Variants in DNAH5 observed in about 807,000 individuals in gnomAD.
DNAH5 encodes the protein dynein axonemal heavy chain 5, also known as axonemal beta dynein heavy chain 5.
DNAH5 carries 372 observed loss-of-function variants against 518.2 expected under a neutral mutation model. The observed-to-expected ratio is 0.72, with a 90% confidence interval of 0.66 to 0.78. The LOEUF is 0.78. Ranked by LOEUF, DNAH5 falls within the 30% of genes least tolerant of loss-of-function variation. The pLI, the probability that DNAH5 is intolerant of heterozygous loss-of-function variation, is 0.00. For synonymous variants in DNAH5, 2,039 were observed against 2,025.9 expected (o/e 1.01, Z -0.17); for missense variants, 5,523 against 5,687.0 (o/e 0.97, Z 0.93).
chr5:13,996,176 T>C (rs1415429041), intron 1 of DNAH5, among the ~76,000 whole-genome samples: 1 of 152,132 alleles, frequency 6.6e-6, no homozygotes, highest in African/African-American at 2.4e-5. Context: ...GCTCATGCAG[T>C]TCAAAACTAT....
intron 32 of DNAH5, among the ~76,000 whole-genome samples, chr5:13,843,382 C>A (rs1765542628): frequency 6.6e-6 from 1 of 152,134 alleles, no homozygotes; most frequent in Non-Finnish European, 1.5e-5. Context: ...ATGTAATGCA[C>A]CTGGCCTTTG....
chr5:13,819,216 T>C (rs959374631), intron 41 of DNAH5, among the ~76,000 whole-genome samples: 4 of 152,088 alleles, frequency 2.6e-5, no homozygotes, highest in Admixed American at 2.6e-4. Flanking sequence ...TTAAGAAACA[T>C]AAAAATCCCA....
At chr5:13,936,668 G>C (rs535596021) in intron 1 of DNAH5, among the ~76,000 whole-genome samples, 1 of 152,170 alleles carries the variant, frequency 6.6e-6, no homozygotes. Flanking sequence ...AACAGCACTC[G>C]AATTAAAATG....
Position 13,871,677 on chromosome 5 carries a change from T to C in DNAH5, c.3485A>G (p.Gln1162Arg), listed in dbSNP as rs1396777361. ...KEEAIKTFIT[Q>R]SPLLSEFESQ... The stretch of plus-strand genomic sequence containing the variant: ...CTCAAATTCAGAAAGCAAGGGGCTC[T>C]GTGTAATAAATGTCTTAATGGCTTC... The change falls in exon 23 of 79, where the codon CAG (glutamine) becomes CGG (arginine). Residue 1162 changes from glutamine (Q) to arginine (R), a missense_variant. Around this residue, in one of 3 missense-constraint regions of DNAH5, gnomAD observed 5,121 missense variants for 5,223.3 expected, o/e 0.98. Transcript: ENST00000265104. 1.9e-6 allele frequency: 3 copies of C among 1,613,840 alleles called. No homozygotes were observed. The highest frequency in any genetic ancestry group is 2.5e-6 in the Non-Finnish European group (3 of 1,179,800).
At chr5:13,939,592 T>C (rs1451318834) in intron 1 of DNAH5, among the ~76,000 whole-genome samples, 1 of 152,032 alleles carries the variant, frequency 6.6e-6, no homozygotes, top group African/African-American at 2.4e-5. Flanking sequence ...CAGGGCCCCG[T>C]CTCCTTTCCC....
intron 30 of DNAH5, among the ~76,000 whole-genome samples, chr5:13,856,770 A>G (rs897661608): frequency 9.2e-5 from 14 of 152,244 alleles, no homozygotes; most frequent in African/African-American, 3.4e-4. Flanking sequence ...CCACATGATT[A>G]TCTCAATAGA....
intron 1 of DNAH5, among the ~76,000 whole-genome samples, chr5:13,984,571 T>C (rs1388796142): frequency 6.6e-6 from 1 of 152,226 alleles, no homozygotes; most frequent in Non-Finnish European, 1.5e-5. Context: ...CTATGTTGTA[T>C]AGGAGTGGTG....
intron 22 of DNAH5, among the ~76,000 whole-genome samples, chr5:13,874,022 A>T (rs929496899): frequency 6.6e-6 from 1 of 152,180 alleles, no homozygotes; most frequent in African/African-American, 2.4e-5. Context: ...GTTCCACTCC[A>T]GCTCCCCACA....
intron 35 of DNAH5, among the ~76,000 whole-genome samples, chr5:13,836,180 G>A (rs1243133774): frequency 6.6e-6 from 1 of 152,156 alleles, no homozygotes; most frequent in Non-Finnish European, 1.5e-5. Flanking sequence ...CTAAAATGAA[G>A]ACAACAGCAG....
At chr5:13,929,864 G>A (rs766733071) in intron 2 of DNAH5, among the ~76,000 whole-genome samples, 2 of 152,158 alleles carry the variant, frequency 1.3e-5, no homozygotes, top group Non-Finnish European at 2.9e-5. Context: ...TCTGAATTGG[G>A]AAGCAGGGTG....
chr5:13,777,445 CA>C, intron 53 of DNAH5, 90 bp from the exon 54 acceptor site: 1 of 1,164,128 alleles, frequency 8.6e-7, no homozygotes, highest in Non-Finnish European at 1.3e-6. Flanking sequence ...ATTTAGCTAA[CA>C]AAAAAATGCT....
At position 13,721,034 on chromosome 5, in the gene DNAH5, T is replaced by C; in HGVS notation, c.12245A>G (p.His4082Arg). The stretch of plus-strand genomic sequence containing the variant: ...GGTCTGCTGCAAGAGCTTCCGAGCA[T>C]GGACTTCCTGGCCCTGGCCCATGGA... Reference protein sequence around the residue: ...YVSMGQGQEVHARKLLQQTMA... With the variant: ...YVSMGQGQEVRARKLLQQTMA... The change falls in exon 71 of 79, where the codon CAT (histidine) becomes CGT (arginine). Residue 4082 changes from histidine to arginine, a missense_variant. His to Arg is a conservative substitution (Grantham distance 29). Coordinates refer to ENST00000265104, the MANE Select transcript of DNAH5 (RefSeq NM_001369.3). 2 of 1,614,134 alleles carry C rather than the reference T, an allele frequency of 1.2e-6. No individual in the cohort carries two copies. The highest frequency in any genetic ancestry group is 1.7e-6 in the Non-Finnish European group (2 of 1,179,990).
chr5:13,851,325 T>C (rs1766808034), intron 30 of DNAH5, among the ~76,000 whole-genome samples: 1 of 152,196 alleles, frequency 6.6e-6, no homozygotes, highest in South Asian at 2.1e-4. Context: ...TCTTCCTTTT[T>C]TAAGACAGGT....
At chr5:13,734,812 A>G (rs1359289318) in intron 68 of DNAH5, among the ~76,000 whole-genome samples, 2 of 152,040 alleles carry the variant, frequency 1.3e-5, no homozygotes. Flanking sequence ...TCTGTTTTCC[A>G]TAGGACTTAC....
chr5:13,894,398 T>C (rs767293939), intron 16 of DNAH5, among the ~76,000 whole-genome samples: 1 of 152,158 alleles, frequency 6.6e-6, no homozygotes, highest in South Asian at 2.1e-4. Context: ...ATACTTTAAA[T>C]CCTAATGTCC....
At chr5:13,717,253 C>T (rs749015987) in intron 73 of DNAH5, 62 bp downstream of exon 73, 14 of 1,466,752 alleles carry the variant, frequency 9.5e-6, no homozygotes, top group Middle Eastern at 2.2e-4. Flanking sequence ...TAGGAGGTCC[C>T]GTGAGCTTGA....
chr5:13,864,645 G>A lies in DNAH5; in HGVS notation c.4356-8C>T. On this transcript the variant is annotated splice_region_variant and splice_polypyrimidine_tract_variant and intron_variant, in intron 27 of 78. Transcript: ENST00000265104. ...CGGGGAAGCTTTCGACATCTGTGAA[G>A]GGACACCAACATGAAAGGCCATTGA... is the stretch of plus-strand genomic sequence containing the variant. The A allele has an allele frequency of 6.2e-7, 1 of 1,614,118 alleles. No homozygotes were observed. Among genetic ancestry groups the A allele is most frequent in the Non-Finnish European group, 8.5e-7 (1 of 1,179,992 alleles).
intron 12 of DNAH5, among the ~76,000 whole-genome samples, chr5:13,910,602 C>T (rs12656560): frequency 6.6e-6 from 1 of 152,070 alleles, no homozygotes; most frequent in East Asian, 1.9e-4. Flanking sequence ...GAAAATGTCC[C>T]CATATTCATT....
At chr5:13,871,127 G>A in intron 23 of DNAH5, 125 bp from the exon 24 acceptor site, 1 of 691,566 alleles carries the variant, frequency 1.4e-6, no homozygotes, top group South Asian at 2.0e-5. Flanking sequence ...ACAAAAAATT[G>A]AACTGGAAAA....
Sources: gnomAD v4.1 joint callset for allele counts (sites outside exome capture counted in the v4.1 genomes callset) on GRCh38, gnomAD v4.1.1 for gene constraint, gnomAD v4.1.1 regional missense constraint, MANE v1.5 for transcripts, NCBI Gene and HGNC (gene_info 2026-07-23, HGNC 2026-07-21) for gene names.